The following ITFG1 variants were observed in gnomAD, a reference collection of about 807,000 sequenced individuals.
The protein encoded by ITFG1 is integrin alpha FG-GAP repeat containing 1.
ITFG1 carries 34 observed loss-of-function variants against 81.8 expected under a neutral mutation model. That is an observed-to-expected ratio of 0.42 (90% CI 0.32 to 0.55). The LOEUF is 0.55. Among genes scored for constraint, ITFG1 ranks in the 20% least tolerant of loss-of-function variants. The probability of loss-of-function intolerance (pLI) is 0.17; values close to 1 mark genes in which losing one functional copy is unlikely to be tolerated. For missense variants in ITFG1, 672 were observed against 755.4 expected (o/e 0.89, Z 1.29); for synonymous variants, 285 against 270.6 (o/e 1.05, Z -0.52).
chr16:47,201,253 G>A (rs922700938), intron 14 of ITFG1, among the ~76,000 whole-genome samples: 1 of 148,682 alleles, frequency 6.7e-6, no homozygotes, highest in Non-Finnish European at 1.5e-5. Flanking sequence ...CTGTTGCCCA[G>A]GCTGGAGTGC....
rs190241150 is a variant in ITFG1, at chr16:47,370,664, C to T, written c.721-4795G>A. 8.9e-4 allele frequency among the ~76,000 whole-genome samples: 135 copies of T among 152,314 alleles called. 2 individuals are homozygous for T. The highest frequency in any genetic ancestry group is 5.1e-3 in the Admixed American group (78 of 15,304). Reference sequence around the variant, plus strand: ...GAGCCTCAGCCTTGCATGGAGTTGGCGCCTGGGGCAGCTGCCCTGCACTTG... The same window carrying T: ...GAGCCTCAGCCTTGCATGGAGTTGGTGCCTGGGGCAGCTGCCCTGCACTTG... On this transcript the variant is annotated intron_variant, in intron 7 of 17. Coordinates refer to ENST00000320640, the MANE Select transcript of ITFG1 (RefSeq NM_030790.5).
At chr16:47,348,409 A>G (rs13330181) in intron 8 of ITFG1, among the ~76,000 whole-genome samples, 18,316 of 152,150 alleles carry the variant, frequency 0.12, 2,422 homozygotes, top group African/African-American at 0.33. Context: ...ACTACGTGAC[A>G]AATGCATAAG....
At chr16:47,442,395 C>T (rs1369393383) in intron 5 of ITFG1, among the ~76,000 whole-genome samples, 1 of 151,902 alleles carries the variant, frequency 6.6e-6, no homozygotes, top group Non-Finnish European at 1.5e-5. Context: ...CAAAAAAGAG[C>T]CCGCCTTGCC....
intron 14 of ITFG1, among the ~76,000 whole-genome samples, chr16:47,181,223 CAGCCGCCCCGTCTGAGAAGTGAGG>C (rs1361583985): frequency 6.7e-6 from 1 of 150,054 alleles, no homozygotes; most frequent in East Asian, 2.0e-4. Flanking sequence ...CTCTGCCCGG[CAGCCGCCCCGTCTGAGAAGTGAGG>C]AGCCCCTCCG....
chr16:47,208,934 CAA>C (rs1482288525), intron 14 of ITFG1, among the ~76,000 whole-genome samples: 9 of 151,972 alleles, frequency 5.9e-5, no homozygotes, highest in Non-Finnish European at 1.0e-4. Flanking sequence ...AATTGAGAGA[CAA>C]GAGAGATTTA....
chr16:47,221,566 C>A (rs578004252), intron 13 of ITFG1, among the ~76,000 whole-genome samples: 7 of 152,040 alleles, frequency 4.6e-5, no homozygotes, highest in Non-Finnish European at 1.0e-4. Flanking sequence ...TGTCTCTGCC[C>A]GGCTTTGGTA....
intron 8 of ITFG1, among the ~76,000 whole-genome samples, chr16:47,361,895 G>A (rs1227830465): frequency 6.6e-6 from 1 of 152,012 alleles, no homozygotes; most frequent in African/African-American, 2.4e-5. Flanking sequence ...TGTTTGGAGG[G>A]CTCATCTCAG....
intron 6 of ITFG1, among the ~76,000 whole-genome samples, chr16:47,404,615 T>C (rs1239845507): frequency 1.3e-5 from 2 of 152,202 alleles, no homozygotes; most frequent in Non-Finnish European, 2.9e-5. Flanking sequence ...TTCTCTATAG[T>C]TTATGACACA....
chr16:47,405,497 GA>G (rs1456259347), intron 6 of ITFG1, among the ~76,000 whole-genome samples: 1 of 152,146 alleles, frequency 6.6e-6, no homozygotes, highest in Non-Finnish European at 1.5e-5. Context: ...AAGAGCCAAT[GA>G]AAACGTACAT....
intron 13 of ITFG1, among the ~76,000 whole-genome samples, chr16:47,236,242 G>A (rs1965871936): frequency 6.6e-6 from 1 of 152,144 alleles, no homozygotes; most frequent in Non-Finnish European, 1.5e-5. Context: ...TTGGGAGGCT[G>A]AGGCAGGCGG....
At chr16:47,383,354 C>T (rs890377380) in intron 6 of ITFG1, among the ~76,000 whole-genome samples, 4 of 152,256 alleles carry the variant, frequency 2.6e-5, no homozygotes, top group East Asian at 1.9e-4. Context: ...TTTGCCCTGA[C>T]GCGTTTTCTT....
intron 14 of ITFG1, among the ~76,000 whole-genome samples, chr16:47,202,751 T>G (rs1262749971): frequency 6.6e-6 from 1 of 152,068 alleles, no homozygotes; most frequent in Non-Finnish European, 1.5e-5. Flanking sequence ...AAATGGCCAA[T>G]AAGCAAATAC....
chr16:47,387,423 CT>C (rs1248084634), intron 6 of ITFG1, among the ~76,000 whole-genome samples: 1 of 152,170 alleles, frequency 6.6e-6, no homozygotes, highest in Non-Finnish European at 1.5e-5. Flanking sequence ...CTGTTGACAG[CT>C]TTTAAATCTT....
At chr16:47,240,389 CTACGTAAAATGTA>C (rs1413123847) in intron 12 of ITFG1, among the ~76,000 whole-genome samples, 2 of 151,570 alleles carry the variant, frequency 1.3e-5, no homozygotes, top group East Asian at 3.8e-4. Flanking sequence ...GTTTACCTCC[CTACGTAAAATGTA>C]TATTTGACAA....
intron 13 of ITFG1, among the ~76,000 whole-genome samples, chr16:47,224,646 C>T (rs188037966): frequency 2.0e-5 from 3 of 152,128 alleles, no homozygotes; most frequent in African/African-American, 7.2e-5. Flanking sequence ...TAAAAATGTC[C>T]AGTTTTCAAT....
At chr16:47,380,871 A>G (rs968059091) in intron 6 of ITFG1, among the ~76,000 whole-genome samples, 5 of 152,230 alleles carry the variant, frequency 3.3e-5, no homozygotes, top group African/African-American at 1.2e-4. Context: ...TCACATCATG[A>G]TTTCATGAAA....
intron 12 of ITFG1, among the ~76,000 whole-genome samples, chr16:47,246,193 T>G (rs1385244155): frequency 6.6e-6 from 1 of 152,228 alleles, no homozygotes; most frequent in Non-Finnish European, 1.5e-5. Context: ...TTGCATCTGT[T>G]TTTGTTTTTT....
At chr16:47,236,400 C>T (rs574416683) in intron 13 of ITFG1, among the ~76,000 whole-genome samples, 280 of 148,532 alleles carry the variant, frequency 1.9e-3, no homozygotes, top group Non-Finnish European at 1.5e-3. Flanking sequence ...GCGTGAGCCC[C>T]GGAGGCGGAG....
chr16:47,410,938 T>G (rs1968802845), intron 6 of ITFG1, among the ~76,000 whole-genome samples: 2 of 152,124 alleles, frequency 1.3e-5, no homozygotes, highest in African/African-American at 4.8e-5. Context: ...CAGGGTATGT[T>G]TGTTTGCCAC....
Sources: allele counts gnomAD v4.1 joint callset (sites outside exome capture counted in the v4.1 genomes callset), GRCh38; gene constraint gnomAD v4.1.1; transcripts MANE v1.5; gene names NCBI Gene and HGNC (gene_info 2026-07-23, HGNC 2026-07-21).